NRG1: variants seen among roughly 807,000 people sequenced by gnomAD.
The protein encoded by NRG1 is neuregulin 1, also known as pro-neuregulin-1, membrane-bound isoform.
NRG1 carries 18 observed loss-of-function variants against 63.8 expected under a neutral mutation model. The ratio of observed to expected loss-of-function variants is 0.28; its 90% CI spans 0.19 to 0.42. NRG1 has a LOEUF of 0.42. Ranked by LOEUF, NRG1 falls within the 10% of genes least tolerant of loss-of-function variation. The pLI, the probability that NRG1 is intolerant of heterozygous loss-of-function variation, is 1.00. For missense variants in NRG1, 762 were observed against 814.7 expected (o/e 0.94, Z 0.79); for synonymous variants, 302 against 301.3 (o/e 1.00, Z -0.02).
chr8:32,364,287 A>G (rs1807656115), intron 1 of NRG1, among the ~76,000 whole-genome samples: 1 of 152,048 alleles, frequency 6.6e-6, no homozygotes, highest in South Asian at 2.1e-4. Flanking sequence ...TATACTATGA[A>G]AAGTCTCCCT....
intron 1 of NRG1, among the ~76,000 whole-genome samples, chr8:32,171,706 G>A (rs534265691): frequency 4.5e-4 from 69 of 152,286 alleles, no homozygotes; most frequent in South Asian, 1.2e-3. Flanking sequence ...TATATCCCAC[G>A]CATGGCTTGG....
chr8:31,658,062 A>G (rs1805605358), intron 1 of NRG1, among the ~76,000 whole-genome samples: 1 of 152,202 alleles, frequency 6.6e-6, no homozygotes, highest in Non-Finnish European at 1.5e-5. Context: ...GAGAGTAGTA[A>G]AATCAGATCC....
At chr8:32,277,408 G>C (rs2129472915) in intron 1 of NRG1, among the ~76,000 whole-genome samples, 1 of 152,288 alleles carries the variant, frequency 6.6e-6, no homozygotes, top group South Asian at 2.1e-4. Flanking sequence ...CATCCAATCT[G>C]CAGCCTGTCA....
chr8:32,400,634 G>A (rs1055307655), intron 1 of NRG1, among the ~76,000 whole-genome samples: 7 of 152,128 alleles, frequency 4.6e-5, no homozygotes, highest in African/African-American at 1.7e-4. Context: ...TTATTAAAAG[G>A]TCAAAAAATA....
At chr8:32,764,337 A>G in exon 12 of NRG1, 1 of 1,613,430 alleles carries the variant, frequency 6.2e-7, no homozygotes, top group Non-Finnish European at 8.5e-7. Flanking sequence ...CCGCTTCTCG[A>G]CACAGGAAGA....
intron 1 of NRG1, among the ~76,000 whole-genome samples, chr8:32,156,610 C>G (rs901774376): frequency 6.6e-6 from 1 of 152,146 alleles, no homozygotes; most frequent in African/African-American, 2.4e-5. Context: ...TATCCCCATT[C>G]CCTCATATAT....
chr8:32,602,905 TC>T (rs796651451), intron 2 of NRG1, among the ~76,000 whole-genome samples: 23 of 152,278 alleles, frequency 1.5e-4, no homozygotes, highest in African/African-American at 5.3e-4. Context: ...ATTTGAACGC[TC>T]CAAAATTCAG....
At chr8:32,238,491 A>G (rs1847802563) in intron 1 of NRG1, among the ~76,000 whole-genome samples, 1 of 151,980 alleles carries the variant, frequency 6.6e-6, no homozygotes, top group Non-Finnish European at 1.5e-5. Context: ...CATTTCCTCT[A>G]TCAGCATAGT....
At chr8:32,095,123 G>A (rs996739626) in intron 1 of NRG1, among the ~76,000 whole-genome samples, 2 of 152,028 alleles carry the variant, frequency 1.3e-5, no homozygotes, top group African/African-American at 4.8e-5. Context: ...TGTTGGCCAG[G>A]ATGGTCTTAA....
intron 1 of NRG1, among the ~76,000 whole-genome samples, chr8:32,561,992 G>T (rs1283315896): frequency 6.6e-6 from 1 of 152,120 alleles, no homozygotes; most frequent in East Asian, 1.9e-4. Context: ...TCTGGTCTGG[G>T]CCTCACATGG....
At chr8:31,735,402 T>TAA (rs1294748610) in intron 1 of NRG1, among the ~76,000 whole-genome samples, 4 of 152,186 alleles carry the variant, frequency 2.6e-5, no homozygotes, top group Admixed American at 2.6e-4. Flanking sequence ...AAAACCCCAC[T>TAA]GTCTTCCCTT....
chr8:32,428,227 T>C (rs932978301), intron 1 of NRG1, among the ~76,000 whole-genome samples: 7 of 152,228 alleles, frequency 4.6e-5, no homozygotes, highest in Non-Finnish European at 7.3e-5. Flanking sequence ...AAGTCTGACT[T>C]CAGCATCTTT....
At chr8:32,209,772 TCCTTCTTA>T (rs1458243642) in intron 1 of NRG1, among the ~76,000 whole-genome samples, 5 of 135,960 alleles carry the variant, frequency 3.7e-5, no homozygotes, top group African/African-American at 1.4e-4. Flanking sequence ...CTTCCTTCCT[TCCTTCTTA>T]CTTTCTTTCT....
chr8:32,196,529 G>T (rs1586010868), intron 1 of NRG1, among the ~76,000 whole-genome samples: 1 of 152,302 alleles, frequency 6.6e-6, no homozygotes, highest in Non-Finnish European at 1.5e-5. Flanking sequence ...TTCACACAAT[G>T]AATCCAGTCT....
intron 1 of NRG1, among the ~76,000 whole-genome samples, chr8:32,066,892 G>T (rs1351731885): frequency 6.6e-6 from 1 of 151,858 alleles, no homozygotes; most frequent in Admixed American, 6.6e-5. Flanking sequence ...TCTCCTTGAA[G>T]AGGTCCTTCA....
chr8:32,643,110 T>C (rs928611160), intron 5 of NRG1, among the ~76,000 whole-genome samples: 2 of 152,166 alleles, frequency 1.3e-5, no homozygotes, highest in African/African-American at 2.4e-5. Flanking sequence ...TACAAATATA[T>C]TTTACTTTAT....
At chr8:31,868,075 G>A (rs1377138718) in intron 1 of NRG1, among the ~76,000 whole-genome samples, 1 of 151,250 alleles carries the variant, frequency 6.6e-6, no homozygotes, top group African/African-American at 2.4e-5. Flanking sequence ...TAGAATGTCA[G>A]CCAAACAGCT....
At chr8:32,423,064 G>T (rs1816896694) in intron 1 of NRG1, among the ~76,000 whole-genome samples, 4 of 152,174 alleles carry the variant, frequency 2.6e-5, no homozygotes, top group Non-Finnish European at 4.4e-5. Context: ...GATTGTTCTG[G>T]TCCAAACCCT....
At chr8:32,340,176 G>C (rs894583168) in intron 1 of NRG1, among the ~76,000 whole-genome samples, 2 of 152,138 alleles carry the variant, frequency 1.3e-5, no homozygotes, top group African/African-American at 4.8e-5. Flanking sequence ...TTATTTTATA[G>C]TGTGCAACAT....
Sources: gnomAD v4.1 joint callset for allele counts (sites outside exome capture counted in the v4.1 genomes callset) on GRCh38, gnomAD v4.1.1 for gene constraint, MANE v1.5 for transcripts, NCBI Gene and HGNC (gene_info 2026-07-23, HGNC 2026-07-21) for gene names.